LCA5L: variants seen among roughly 807,000 people sequenced by gnomAD.
The protein encoded by LCA5L is lebercilin LCA5 like.
Under a neutral mutation model 45.4 loss-of-function variants are expected in LCA5L, and 35 were observed. That is an observed-to-expected ratio of 0.77 (90% CI 0.59 to 1.02). The LOEUF (loss-of-function observed/expected upper bound fraction) is 1.02. Ranked by LOEUF, LCA5L falls within the 50% of genes least tolerant of loss-of-function variation. The pLI is 0.00. For synonymous variants in LCA5L, 233 were observed against 264.7 expected, an observed-to-expected ratio of 0.88 and a Z score of 1.16; for missense variants, 668 against 761.6, an observed-to-expected ratio of 0.88 and a Z score of 1.45.
intron 7 of LCA5L, among the ~76,000 whole-genome samples, chr21:39,414,742 C>CTCTCTGTGTGTGTGTGTG (rs1341489035): frequency 4.0e-5 from 4 of 99,230 alleles, no homozygotes; most frequent in Admixed American, 1.1e-4. Context: ...CTCTCTCTCT[C>CTCTCTGTGTGTGTGTGTG]TGTGTGTGTG....
Position 39,423,052 on chromosome 21 carries a change from A to G in LCA5L, c.761T>C (p.Leu254Pro). 6.2e-7 allele frequency: 1 copy of G among 1,614,038 alleles called. No homozygotes were observed. The highest frequency in any genetic ancestry group is 8.5e-7 in the Non-Finnish European group (1 of 1,179,914). Reference protein sequence around the residue: ...ALQKLSEDKNLAEREELTHKL... With the variant: ...ALQKLSEDKNPAEREELTHKL... ...ATGAGTGAGTTCTTCCCTTTCTGCAAGGTTTTTGTCTTCAGAAAGTTTCTG... is the reference window on the plus strand; with the variant it reads ...ATGAGTGAGTTCTTCCCTTTCTGCAGGGTTTTTGTCTTCAGAAAGTTTCTG... Residue 254 changes from leucine (L) to proline (P), a missense_variant, in exon 6 of 11, where the codon CTT (leucine) becomes CCT (proline). Coordinates refer to ENST00000288350, the MANE Select transcript of LCA5L (RefSeq NM_152505.4).
intron 3 of LCA5L, 32 bp downstream of exon 3, chr21:39,435,388 C>A (rs1359955324): frequency 6.6e-6 from 1 of 152,188 alleles, no homozygotes; most frequent in African/African-American, 2.4e-5. Flanking sequence ...AAATAAAACA[C>A]ACTAAAATGT....
chr21:39,425,681 A>C (rs994087269), intron 5 of LCA5L, among the ~76,000 whole-genome samples: 2 of 152,066 alleles, frequency 1.3e-5, no homozygotes, highest in African/African-American at 4.8e-5. Flanking sequence ...GGTTTAAAAC[A>C]GGGGTGGGCG....
Position 39,428,229 on chromosome 21 carries a change from C to G in LCA5L, c.265G>C (p.Val89Leu). The change falls in exon 5 of 11, where the codon GTG becomes CTG. Residue 89 changes from valine (V) to leucine (L), a missense_variant. Coordinates refer to ENST00000288350, the MANE Select transcript of LCA5L (RefSeq NM_152505.4). ...TTTTTCTTCTCCTTTTCTTTTACCA[C>G]AGGCTGCTTTAAATAATTTCTATTA... ...AINRNYLKQPVVKEKEKKKYN... is the reference protein window; with the variant it reads ...AINRNYLKQPLVKEKEKKKYN... 1 of 1,603,582 alleles carries G rather than the reference C, an allele frequency of 6.2e-7. No homozygotes were observed. Among genetic ancestry groups the G allele is most frequent in the East Asian group, 2.2e-5 (1 of 44,808 alleles).
chr21:39,441,695 C>T (rs892598394), intron 2 of LCA5L, among the ~76,000 whole-genome samples: 17 of 152,184 alleles, frequency 1.1e-4, no homozygotes, highest in Admixed American at 1.1e-3. Flanking sequence ...TCTCTACTTC[C>T]ACCAAGTGGT....
intron 2 of LCA5L, chr21:39,443,720 G>C (rs2077099203): frequency 6.6e-6 from 1 of 152,238 alleles, no homozygotes; most frequent in Non-Finnish European, 1.5e-5. Context: ...AGAAAAGATG[G>C]GGCTAGGAGT....
intron 6 of LCA5L, 68 bp from the exon 7 acceptor site, chr21:39,420,911 G>C: frequency 8.3e-7 from 1 of 1,201,582 alleles, no homozygotes; most frequent in South Asian, 1.3e-5. Context: ...AATTATCATG[G>C]AACTAACTAC....
intron 10 of LCA5L, among the ~76,000 whole-genome samples, chr21:39,408,373 A>G: frequency 6.6e-6 from 1 of 152,228 alleles, no homozygotes; most frequent in East Asian, 1.9e-4. Flanking sequence ...TTACCAAGAA[A>G]GAGGAGGACT....
intron 7 of LCA5L, among the ~76,000 whole-genome samples, 180 bp downstream of exon 7, chr21:39,420,522 CAAAA>C (rs397972848): frequency 1.1e-5 from 1 of 87,158 alleles, no homozygotes; most frequent in Non-Finnish European, 2.0e-5. Flanking sequence ...GATTCTATCT[CAAAA>C]AAAAAAAAAA....
intron 5 of LCA5L, among the ~76,000 whole-genome samples, chr21:39,423,909 C>T (rs2074182005): frequency 6.6e-6 from 1 of 152,144 alleles, no homozygotes; most frequent in Non-Finnish European, 1.5e-5. Flanking sequence ...AATCTCTACA[C>T]TTTGGGAGGC....
intron 7 of LCA5L, among the ~76,000 whole-genome samples, chr21:39,417,829 G>C (rs896500832): frequency 6.6e-6 from 1 of 151,946 alleles, no homozygotes; most frequent in Admixed American, 6.6e-5. Flanking sequence ...GCGGTGGCGT[G>C]ATCTCCGCTC....
intron 2 of LCA5L, among the ~76,000 whole-genome samples, chr21:39,438,110 T>C (rs980500651): frequency 2.6e-5 from 4 of 152,124 alleles, no homozygotes; most frequent in African/African-American, 9.7e-5. Flanking sequence ...GATCAGATAC[T>C]GAGATAGAAA....
intron 7 of LCA5L, chr21:39,414,384 T>A (rs759679868): frequency 3.9e-5 from 6 of 152,176 alleles, no homozygotes; most frequent in Admixed American, 2.0e-4. Flanking sequence ...CGGCTCATAC[T>A]GCAGAAGTGG....
At chr21:39,425,495 T>G (rs190294122) in intron 5 of LCA5L, among the ~76,000 whole-genome samples, 1 of 152,328 alleles carries the variant, frequency 6.6e-6, no homozygotes, top group African/African-American at 2.4e-5. Flanking sequence ...GGCTGAATAT[T>G]AAGTATTTTA....
Position 39,409,695 on chromosome 21 carries a change from C to T in LCA5L, c.1282+284G>A, listed in dbSNP as rs559158586. Among the ~76,000 whole-genome samples, 1 of 152,124 alleles carries T rather than the reference C, an allele frequency of 6.6e-6. No individual in the cohort carries two copies. Among genetic ancestry groups the T allele is most frequent in the Non-Finnish European group, 1.5e-5 (1 of 68,022 alleles). ...GCAACCTCTGCCTCCTGGGTCCAAG[C>T]GATTTTCCTGCCTCAGCCTCCTGAG... On this transcript the variant is annotated intron_variant, in intron 10 of 10. Coordinates refer to ENST00000288350, the MANE Select transcript of LCA5L (RefSeq NM_152505.4). This position sits in a 1 kb window ranked among gnomAD's most constrained non-coding sequence, Gnocchi z 4.2.
At position 39,423,109 on chromosome 21, in the gene LCA5L, A is replaced by G. The variant is rs960875553; in HGVS notation, c.704T>C (p.Leu235Ser). Residue 235 changes from leucine (L) to serine (S), a missense_variant, in exon 6 of 11, where the codon TTA (leucine) becomes TCA (serine). Leu to Ser is a moderately radical substitution (Grantham distance 145). Transcript: ENST00000288350. The part of the protein sequence containing the change: ...SRKLRETDSQ[L>S]LKTKDILQAL... Reference sequence around the variant, plus strand: ...CTGCAAGATATCTTTAGTCTTCAGTAACTGGCTGTCAGTTTCTCTAAGTTT... The same window carrying G: ...CTGCAAGATATCTTTAGTCTTCAGTGACTGGCTGTCAGTTTCTCTAAGTTT... 1 of 1,613,772 alleles carries G rather than the reference A, an allele frequency of 6.2e-7. No homozygotes were observed. Among genetic ancestry groups the G allele is most frequent in the African/African-American group, 1.3e-5 (1 of 74,934 alleles).
intron 6 of LCA5L, chr21:39,422,687 T>A: frequency 2.0e-6 from 1 of 495,598 alleles, no homozygotes; most frequent in Non-Finnish European, 3.5e-6. Context: ...CTTAGCACTG[T>A]AGCTGTGCTC....
At chr21:39,415,531 T>C (rs2040980464) in intron 7 of LCA5L, among the ~76,000 whole-genome samples, 1 of 152,200 alleles carries the variant, frequency 6.6e-6, no homozygotes, top group African/African-American at 2.4e-5. Flanking sequence ...CTTATTTCAG[T>C]ATCTGTAGCA....
chr21:39,410,168 T>C, intron 9 of LCA5L, 72 bp from the exon 10 acceptor site: 1 of 1,259,864 alleles, frequency 7.9e-7, no homozygotes, highest in African/African-American at 1.5e-5. Context: ...TTTATTCTAA[T>C]GACTACAAAT....
Sources: allele counts gnomAD v4.1 joint callset (sites outside exome capture counted in the v4.1 genomes callset), GRCh38; gene constraint gnomAD v4.1.1; non-coding constraint Gnocchi (gnomAD v3.1); transcripts MANE v1.5; gene names NCBI Gene and HGNC (gene_info 2026-07-23, HGNC 2026-07-21).